UGP2: variants seen among roughly 807,000 people sequenced by gnomAD.
UGP2 encodes UDP-glucose pyrophosphorylase 2, also known as UTP--glucose-1-phosphate uridylyltransferase.
A neutral mutation model predicts 49.0 loss-of-function variants in UGP2; 40 were observed. The observed-to-expected ratio is 0.82, with a 90% CI of 0.63 to 1.06. The LOEUF (loss-of-function observed/expected upper bound fraction) is 1.06, where lower values mean the gene tolerates loss of function less well. UGP2 is among the 50% of genes least tolerant of loss of function. The pLI is 0.00. For missense variants in UGP2, 460 were observed against 603.5 expected (o/e 0.76, Z 2.49); for synonymous variants, 225 against 213.0 (o/e 1.06, Z -0.49).
At position 63,852,639 on chromosome 2, in the gene UGP2, A is replaced by G. The variant is rs369635033; in HGVS notation, c.20-3667A>G. Among the ~76,000 whole-genome samples the G allele has an allele frequency of 6.6e-5, 10 of 152,176 alleles. 1 individual carries two copies. In the East Asian group the frequency reaches 9.6e-4, roughly 15 times the overall value. On this transcript the variant is annotated intron_variant, in intron 1 of 9. Coordinates refer to ENST00000337130, the MANE Select transcript of UGP2 (RefSeq NM_006759.4). The stretch of plus-strand genomic sequence containing the variant: ...AATCCATCCTCCTTGGCACTATTAG[A>G]TTAGAGTGATGGGCAGACTAGTTAG...
chr2:63,888,284 C>G (rs966597115), intron 8 of UGP2: 1 of 152,628 alleles, frequency 6.6e-6, no homozygotes, highest in Non-Finnish European at 1.5e-5. Flanking sequence ...AAGTACAGTA[C>G]ATCCTCAGTG....
At position 63,885,842 on chromosome 2, in the gene UGP2, G is replaced by A. The variant is rs1671634265; in HGVS notation, c.829G>A (p.Glu277Lys). ...GAACCCACCCAATGGAAAACGCTGT[G>A]AATTTGTCATGGAAGTCACAAATAA... ...LMNPPNGKRCEFVMEVTNKTR... is the reference protein window; with the variant it reads ...LMNPPNGKRCKFVMEVTNKTR... The change falls in exon 6 of 10, where the codon GAA (glutamate) becomes AAA (lysine). Residue 277 changes from glutamate to lysine, a missense_variant. Around this residue, in one of 2 missense-constraint regions of UGP2, gnomAD observed 317 missense variants for 473.0 expected, o/e 0.67. Transcript: ENST00000337130. 1 of 1,600,162 alleles carries A rather than the reference G, an allele frequency of 6.2e-7. No individual in the cohort carries two copies. Among genetic ancestry groups the A allele is most frequent in the South Asian group, 1.1e-5 (1 of 88,980 alleles).
rs1374559707 is a variant in UGP2, at chr2:63,858,074, C to T, written c.255+138C>T. 4 of 724,310 alleles carry T rather than the reference C, an allele frequency of 5.5e-6. No individual in the cohort carries two copies. In the East Asian group the frequency reaches 1.1e-4, roughly 20 times the overall value. The allele number at this position is 724,310 out of a possible 1,614,324, so 44.9% of individuals were successfully genotyped here. A position where few individuals can be genotyped will look rare whatever the true frequency, so the allele number is the denominator to read the frequency against. ...ACTTGCTTTGAATTCTCTGACCCCT[C>T]ATCCTGAAACTATGGAGACAGCCTT... is the stretch of plus-strand genomic sequence containing the variant. On this transcript the variant is annotated intron_variant, in intron 3 of 9. Coordinates refer to ENST00000337130, the MANE Select transcript of UGP2 (RefSeq NM_006759.4).
rs1281035636 is a variant in UGP2, at chr2:63,887,745, T to C, written c.1314+101T>C. 4 of 1,437,774 alleles carry C rather than the reference T, an allele frequency of 2.8e-6. No individual in the cohort carries two copies. In the South Asian group the frequency reaches 4.0e-5, roughly 14 times the overall value. 89.1% of individuals were successfully genotyped at this position (1,437,774 alleles called of 1,614,324 possible). On this transcript the variant is annotated intron_variant, in intron 8 of 9. Coordinates refer to ENST00000337130, the MANE Select transcript of UGP2 (RefSeq NM_006759.4). ...GGAGACTAATTACAGTCTCTACCAC[T>C]GACCTGTTGTATTCCTCTGTCTTTG...
intron 3 of UGP2, among the ~76,000 whole-genome samples, chr2:63,880,306 T>C (rs1182018734): frequency 1.3e-5 from 2 of 152,016 alleles, no homozygotes; most frequent in East Asian, 3.9e-4. Flanking sequence ...CCTGGGTAGC[T>C]GGGACTACAG....
chr2:63,842,981 C>G (rs1211717531), intron 1 of UGP2, among the ~76,000 whole-genome samples: 1 of 152,132 alleles, frequency 6.6e-6, no homozygotes, highest in African/African-American at 2.4e-5. Context: ...TGAGATTTGC[C>G]TTCTGGTATG....
At chr2:63,871,362 C>T (rs199543158) in intron 3 of UGP2, among the ~76,000 whole-genome samples, 8 of 152,068 alleles carry the variant, frequency 5.3e-5, no homozygotes, top group Non-Finnish European at 8.8e-5. Context: ...CTTGGCTCAC[C>T]GTAACCTCTG....
intron 3 of UGP2, among the ~76,000 whole-genome samples, chr2:63,879,027 G>GTTAGTACTT (rs1671118144): frequency 6.6e-6 from 1 of 150,836 alleles, no homozygotes; most frequent in Non-Finnish European, 1.5e-5. Flanking sequence ...AAAAGTTCCT[G>GTTAGTACTT]TTAGTACTTT....
chr2:63,880,147 C>T (rs894529832), intron 3 of UGP2, among the ~76,000 whole-genome samples: 4 of 150,760 alleles, frequency 2.7e-5, no homozygotes, highest in Non-Finnish European at 4.5e-5. Flanking sequence ...CCTCTCCTCT[C>T]CCCTCTCCCC....
At chr2:63,851,235 A>G (rs563096217) in intron 1 of UGP2, among the ~76,000 whole-genome samples, 111 of 152,322 alleles carry the variant, frequency 7.3e-4, no homozygotes, top group African/African-American at 2.5e-3. Context: ...ACATACCATT[A>G]TTAGGCACCT....
At chr2:63,879,878 ACT>A (rs1671173245) in intron 3 of UGP2, among the ~76,000 whole-genome samples, 1 of 152,166 alleles carries the variant, frequency 6.6e-6, no homozygotes, top group Admixed American at 6.5e-5. Flanking sequence ...AATAGGTAAG[ACT>A]GTCTCTGAAC....
intron 1 of UGP2, among the ~76,000 whole-genome samples, chr2:63,852,267 A>G (rs1470299199): frequency 2.6e-5 from 4 of 152,246 alleles, no homozygotes; most frequent in African/African-American, 7.2e-5. Context: ...CATACTGGCA[A>G]TGTTTGGTTA....
chr2:63,875,602 G>T (rs920419727), intron 3 of UGP2, among the ~76,000 whole-genome samples: 2 of 152,184 alleles, frequency 1.3e-5, no homozygotes, highest in African/African-American at 4.8e-5. Context: ...ACATCCTAGA[G>T]GGCTGAATGT....
chr2:63,866,322 AACAGTTAAT>A (rs1431921239), intron 3 of UGP2, among the ~76,000 whole-genome samples: 1 of 152,236 alleles, frequency 6.6e-6, no homozygotes, highest in African/African-American at 2.4e-5. Flanking sequence ...AAAAAGTTAA[AACAGTTAAT>A]GTGTCTAAAA....
Position 63,891,275 on chromosome 2 carries a change from T to C in UGP2, c.*48T>C. The C allele has an allele frequency of 6.7e-7, 1 of 1,493,008 alleles. No individual in the cohort carries two copies. The highest frequency in any genetic ancestry group is 2.3e-5 in the East Asian group (1 of 44,040). 92.5% of individuals were successfully genotyped at this position (1,493,008 alleles called of 1,614,324 possible). A position where few individuals can be genotyped will look rare whatever the true frequency, so the allele number is the denominator to read the frequency against. On this transcript the variant is annotated 3_prime_UTR_variant, in exon 10 of 10. Coordinates refer to ENST00000337130, the MANE Select transcript of UGP2 (RefSeq NM_006759.4). ...TAAATAATGGGCTAGTTTCTTACAATGAAATGTTCTCTAGGATTCTAAAAT... is the reference window on the plus strand; with the variant it reads ...TAAATAATGGGCTAGTTTCTTACAACGAAATGTTCTCTAGGATTCTAAAAT...
At chr2:63,866,148 A>G (rs1388910312) in intron 3 of UGP2, among the ~76,000 whole-genome samples, 1 of 152,226 alleles carries the variant, frequency 6.6e-6, no homozygotes, top group African/African-American at 2.4e-5. Context: ...TTGTTTCACA[A>G]ATGTCTAAGC....
rs762294322 is a variant in UGP2 at position 63,885,797 on chromosome 2, T to C, written c.784T>C (p.Tyr262His). The change falls in exon 6 of 10, where the codon TAT becomes CAT. Residue 262 changes from tyrosine to histidine, a missense_variant. Physicochemically the swap from Tyr to His is moderately conservative, Grantham distance 83. This residue lies in a region of UGP2 where 317 missense variants were observed against 473.0 expected (regional missense o/e 0.67). Coordinates refer to ENST00000337130, the MANE Select transcript of UGP2 (RefSeq NM_006759.4). ...TAATCTGGGTGCCACAGTGGATCTGTATATTCTTAATCATCTAATGAACCC... is the reference window on the plus strand; with the variant it reads ...TAATCTGGGTGCCACAGTGGATCTGCATATTCTTAATCATCTAATGAACCC... ...IDNLGATVDL[Y>H]ILNHLMNPPN... 2.5e-6 allele frequency: 4 copies of C among 1,613,132 alleles called. No individual in the cohort carries two copies. The East Asian group carries it at 8.9e-5, about 36-fold the overall frequency.
intron 5 of UGP2, 138 bp downstream of exon 5, chr2:63,884,231 G>T: frequency 9.7e-7 from 1 of 1,031,220 alleles, no homozygotes; most frequent in African/African-American, 1.6e-5. Flanking sequence ...CATAAAAGCT[G>T]AGCATTTGTT....
At chr2:63,883,215 A>G (rs1671431688) in intron 4 of UGP2, 1 of 152,250 alleles carries the variant, frequency 6.6e-6, no homozygotes, top group Admixed American at 6.5e-5. Context: ...TTGTCCACCA[A>G]GTATTATTCT....
Sources: allele counts gnomAD v4.1 joint callset (sites outside exome capture counted in the v4.1 genomes callset), GRCh38; gene constraint gnomAD v4.1.1; regional missense constraint gnomAD v4.1.1; transcripts MANE v1.5; gene names NCBI Gene and HGNC (gene_info 2026-07-23, HGNC 2026-07-21).